Variants in COPS4 observed in about 807,000 individuals in gnomAD.
The protein encoded by COPS4 is COP9 signalosome subunit 4.
A neutral mutation model predicts 55.1 loss-of-function variants in COPS4; 8 were observed. That is an observed-to-expected ratio of 0.15 (90% confidence interval 0.09 to 0.26). COPS4 has a LOEUF of 0.26. Ranked by LOEUF, COPS4 falls within the 10% of genes least tolerant of loss-of-function variation. The probability of loss-of-function intolerance (pLI) is 1.00; values close to 1 mark genes in which losing one functional copy is unlikely to be tolerated. For synonymous variants in COPS4, 185 were observed against 165.7 expected (o/e 1.12, Z -0.90); for missense variants, 248 against 484.0 (o/e 0.51, Z 4.58).
At chr4:83,065,033 C>G in intron 7 of COPS4, 2 of 688,672 alleles carry the variant, frequency 2.9e-6, no homozygotes, top group Non-Finnish European at 5.3e-6. Context: ...GCCACCACAC[C>G]CTGCTAATTT....
At chr4:83,064,840 A>C (rs983397102) in intron 7 of COPS4, among the ~76,000 whole-genome samples, 2 of 139,782 alleles carry the variant, frequency 1.4e-5, no homozygotes, top group Non-Finnish European at 3.0e-5. Flanking sequence ...GATTACAGAC[A>C]TGAGCCACTG....
At chr4:83,072,432 A>G (rs549305907) in intron 9 of COPS4, among the ~76,000 whole-genome samples, 1 of 152,362 alleles carries the variant, frequency 6.6e-6, no homozygotes, top group South Asian at 2.1e-4. Flanking sequence ...CTTCTGGAAG[A>G]CAATACATAA....
chr4:83,066,972 T>C (rs565207109), intron 8 of COPS4, among the ~76,000 whole-genome samples: 34 of 152,330 alleles, frequency 2.2e-4, no homozygotes, highest in African/African-American at 7.9e-4. Flanking sequence ...TTAAGCAACC[T>C]TACTTTTAGC....
chr4:83,059,415 C>T (rs1731103014), intron 6 of COPS4, among the ~76,000 whole-genome samples: 1 of 152,038 alleles, frequency 6.6e-6, no homozygotes, highest in African/African-American at 2.4e-5. Context: ...GACCCCTTTA[C>T]ACTCTGAAAA....
Position 83,056,124 on chromosome 4 carries a change from G to T in COPS4, c.411-802G>T, listed in dbSNP as rs574613370. Reference sequence around the variant, plus strand: ...TTTTTGTATTTTTAGTAGAGACAGGGTTTTACCATGTTGGTCAGGGTGGTC... The same window carrying T: ...TTTTTGTATTTTTAGTAGAGACAGGTTTTTACCATGTTGGTCAGGGTGGTC... On this transcript the variant is annotated intron_variant, in intron 4 of 9. Transcript: ENST00000264389. Among the ~76,000 whole-genome samples, 26 of 151,984 alleles carry T rather than the reference G, an allele frequency of 1.7e-4. 1 individual carries two copies. The East Asian group carries it at 5.0e-3, about 30-fold the overall frequency.
chr4:83,043,340 G>T (rs1373065116), intron 1 of COPS4, among the ~76,000 whole-genome samples: 7 of 151,380 alleles, frequency 4.6e-5, no homozygotes, highest in Admixed American at 4.6e-4. Flanking sequence ...AATGTAGTGA[G>T]ACCCCATCTC....
intron 9 of COPS4, among the ~76,000 whole-genome samples, chr4:83,071,115 T>G (rs1023381457): frequency 1.3e-5 from 2 of 152,254 alleles, no homozygotes; most frequent in Non-Finnish European, 2.9e-5. Flanking sequence ...CCTGAATTTC[T>G]TCCTAGAATT....
At chr4:83,059,113 T>C (rs1365133524) in intron 6 of COPS4, among the ~76,000 whole-genome samples, 2 of 152,194 alleles carry the variant, frequency 1.3e-5, no homozygotes, top group African/African-American at 4.8e-5. Context: ...TTATGTTGAC[T>C]GGCCATTTTT....
intron 4 of COPS4, among the ~76,000 whole-genome samples, chr4:83,055,171 T>C (rs1004435687): frequency 6.6e-6 from 1 of 152,228 alleles, no homozygotes; most frequent in African/African-American, 2.4e-5. Context: ...TGCAGGTAAA[T>C]AGGATTAATT....
At chr4:83,061,878 C>T (rs1328899346) in intron 6 of COPS4, among the ~76,000 whole-genome samples, 1 of 152,180 alleles carries the variant, frequency 6.6e-6, no homozygotes, top group Non-Finnish European at 1.5e-5. Flanking sequence ...TCTTTGAATA[C>T]TTCCCTGCGA....
At position 83,049,027 on chromosome 4, in the gene COPS4, G is replaced by C. The variant is rs377063442; in HGVS notation, c.155-139G>C. The C allele has an allele frequency of 4.3e-6, 3 of 691,066 alleles. No homozygotes were observed. In the African/African-American group the frequency reaches 5.6e-5, roughly 13 times the overall value. The allele number at this position is 691,066 out of a possible 1,614,324, so 42.8% of individuals were successfully genotyped here. A position where few individuals can be genotyped will look rare whatever the true frequency, so the allele number is the denominator to read the frequency against. ...TGATGATGTAATATAAAATGATAGG[G>C]GTATGGAAATCCTTGAATAATGCAT... On this transcript the variant is annotated intron_variant, in intron 2 of 9. Coordinates refer to ENST00000264389, the MANE Select transcript of COPS4 (RefSeq NM_016129.3).
chr4:83,042,589 AT>A (rs375434706), intron 1 of COPS4, among the ~76,000 whole-genome samples: 24 of 149,406 alleles, frequency 1.6e-4, no homozygotes, highest in Middle Eastern at 6.8e-3. Flanking sequence ...AATTTTTGTA[AT>A]TTTTTTTTAT....
intron 1 of COPS4, among the ~76,000 whole-genome samples, chr4:83,037,012 C>T (rs1197854825): frequency 1.3e-5 from 2 of 152,154 alleles, no homozygotes; most frequent in Non-Finnish European, 2.9e-5. Flanking sequence ...CAGTGTAAAA[C>T]AACTATGATT....
At chr4:83,048,327 A>G (rs531125905) in intron 2 of COPS4, among the ~76,000 whole-genome samples, 1 of 152,338 alleles carries the variant, frequency 6.6e-6, no homozygotes, top group South Asian at 2.1e-4. Flanking sequence ...ATGTTTATAA[A>G]TAATGTCAAT....
In COPS4 at chr4:83,066,670, T is replaced by C. The variant is rs1484928672; in HGVS notation, c.1002+117T>C. The stretch of plus-strand genomic sequence containing the variant: ...TTATTATCTTCCAACAAAATAAATG[T>C]TGGAAACAACAACAGAATTACACCT... On this transcript the variant is annotated intron_variant, in intron 8 of 9. Coordinates refer to ENST00000264389, the MANE Select transcript of COPS4 (RefSeq NM_016129.3). 2.9e-5 allele frequency: 17 copies of C among 590,224 alleles called. No individual in the cohort carries two copies. The East Asian group carries it at 5.5e-4, about 19-fold the overall frequency. The allele number at this position is 590,224 out of a possible 1,614,324, so 36.6% of individuals were successfully genotyped here.
chr4:83,068,557 TA>T (rs751325207), intron 9 of COPS4, 35 bp downstream of exon 9: 7 of 1,307,028 alleles, frequency 5.4e-6, no homozygotes, highest in Non-Finnish European at 7.8e-6. Context: ...CATAATGAAA[TA>T]GCAGTGAACT....
chr4:83,048,999 A>G (rs1049633898), intron 2 of COPS4, among the ~76,000 whole-genome samples, 167 bp from the exon 3 acceptor site: 1 of 152,120 alleles, frequency 6.6e-6, no homozygotes, highest in African/African-American at 2.4e-5. Context: ...GCATAAGGAA[A>G]ACTGATGATG....
intron 9 of COPS4, among the ~76,000 whole-genome samples, chr4:83,068,928 G>C (rs1578721854): frequency 6.8e-6 from 1 of 147,674 alleles, no homozygotes; most frequent in East Asian, 2.0e-4. Flanking sequence ...CGAAATTGCA[G>C]CACTGCACTC....
At chr4:83,037,840 G>A (rs551264508) in intron 1 of COPS4, among the ~76,000 whole-genome samples, 1 of 152,164 alleles carries the variant, frequency 6.6e-6, no homozygotes, top group African/African-American at 2.4e-5. Context: ...TTGAATTAAT[G>A]AATAGCTAGA....
Sources: allele counts gnomAD v4.1 joint callset (sites outside exome capture counted in the v4.1 genomes callset), GRCh38; gene constraint gnomAD v4.1.1; transcripts MANE v1.5; gene names NCBI Gene and HGNC (gene_info 2026-07-23, HGNC 2026-07-21).